Variants in FSHR observed in about 807,000 individuals in gnomAD.
The protein encoded by FSHR is follicle-stimulating hormone receptor.
A neutral mutation model predicts 52.1 loss-of-function variants in FSHR; 46 were observed. The observed-to-expected ratio is 0.88, with a 90% confidence interval of 0.70 to 1.13. The LOEUF (loss-of-function observed/expected upper bound fraction) is 1.13. Ranked by LOEUF, FSHR falls within the 50% of genes most tolerant of loss-of-function variation. The pLI is 0.00. For synonymous variants in FSHR, 399 were observed against 309.6 expected, an observed-to-expected ratio of 1.29 and a Z score of -3.03; for missense variants, 964 against 834.6, an observed-to-expected ratio of 1.16 and a Z score of -1.91.
chr2:49,071,638 A>C (rs1669735687), intron 1 of FSHR, among the ~76,000 whole-genome samples: 1 of 152,174 alleles, frequency 6.6e-6, no homozygotes, highest in African/African-American at 2.4e-5. Context: ...GCTATAAAGG[A>C]ATACTTGAAA....
At chr2:49,055,388 T>G (rs371576141) in intron 2 of FSHR, among the ~76,000 whole-genome samples, 2 of 150,926 alleles carry the variant, frequency 1.3e-5, no homozygotes, top group African/African-American at 4.9e-5. Flanking sequence ...TTATGAGGCA[T>G]AGTTAACCAA....
intron 2 of FSHR, among the ~76,000 whole-genome samples, chr2:49,036,075 T>G (rs572941882): frequency 6.6e-6 from 1 of 152,340 alleles, no homozygotes; most frequent in South Asian, 2.1e-4. Flanking sequence ...ATCTGTTAGA[T>G]TCTAACAAAA....
In FSHR at chr2:49,032,954, C is replaced by T. The variant is rs140553040; in HGVS notation, c.225-12794G>A. On this transcript the variant is annotated intron_variant, in intron 2 of 9. Transcript: ENST00000406846. ...GTGCCTTTGGTAGAAATTCTGGGAC[C>T]AATTTATTACATCAAATCCTTACTT... 2.6e-5 allele frequency among the ~76,000 whole-genome samples: 4 copies of T among 152,222 alleles called. No individual in the cohort carries two copies. The East Asian group carries it at 7.7e-4, about 29-fold the overall frequency.
intron 4 of FSHR, among the ~76,000 whole-genome samples, chr2:49,006,983 C>A (rs187371384): frequency 6.6e-6 from 1 of 152,230 alleles, no homozygotes; most frequent in East Asian, 1.9e-4. Context: ...GTTGGAGAGA[C>A]TAATAGCTAC....
chr2:49,148,943 A>G (rs944277069), intron 1 of FSHR, among the ~76,000 whole-genome samples: 2 of 152,034 alleles, frequency 1.3e-5, no homozygotes, highest in African/African-American at 4.8e-5. Context: ...AGAAAATAGA[A>G]TGACGGTGTG....
intron 8 of FSHR, among the ~76,000 whole-genome samples, chr2:48,974,826 C>T (rs1674913261): frequency 1.3e-5 from 2 of 152,132 alleles, no homozygotes; most frequent in Admixed American, 6.6e-5. Flanking sequence ...ATAGTATATT[C>T]CCTTTTTTGC....
intron 4 of FSHR, among the ~76,000 whole-genome samples, chr2:49,002,190 T>C (rs1014654621): frequency 1.3e-5 from 2 of 152,174 alleles, no homozygotes; most frequent in Non-Finnish European, 2.9e-5. Context: ...TTCTGCATTA[T>C]GATTTCTGTT....
At position 49,147,898 on chromosome 2, in the gene FSHR, G is replaced by A. The variant is rs1034392489; in HGVS notation, c.152+6368C>T. Among the ~76,000 whole-genome samples, 36 of 151,928 alleles carry A rather than the reference G, an allele frequency of 2.4e-4. No homozygotes were observed. In the East Asian group the frequency reaches 5.8e-3, roughly 24 times the overall value. The stretch of plus-strand genomic sequence containing the variant: ...TGTGAACGCTGTGCTGTTTGTTTCT[G>A]TCAAAGAAGTACCTAAACAAGGCTA... On this transcript the variant is annotated intron_variant, in intron 1 of 9. Coordinates refer to ENST00000406846, the MANE Select transcript of FSHR (RefSeq NM_000145.4).
intron 3 of FSHR, among the ~76,000 whole-genome samples, chr2:49,019,178 A>G (rs769346876): frequency 6.6e-6 from 1 of 152,220 alleles, no homozygotes; most frequent in African/African-American, 2.4e-5. Flanking sequence ...TGGAGATTCT[A>G]AATGCATATT....
chr2:48,969,908 C>T (rs1474087264), intron 8 of FSHR, among the ~76,000 whole-genome samples: 1 of 152,178 alleles, frequency 6.6e-6, no homozygotes, highest in African/African-American at 2.4e-5. Context: ...ATGGCACCAG[C>T]TTGGACCTGG....
chr2:49,053,565 T>TC lies in FSHR; in HGVS notation c.224+14653dup, dbSNP rs966108772. Among the ~76,000 whole-genome samples the TC allele has an allele frequency of 6.6e-5, 10 of 152,264 alleles. No homozygotes were observed. In the South Asian group the frequency reaches 1.2e-3, roughly 19 times the overall value. On this transcript the variant is annotated intron_variant, in intron 2 of 9. Transcript: ENST00000406846. ...GCAGAGAGTTTAATGATTTCTTTTT[T>TC]CCCCCCACAAAGTCTCAAAGCAATG...
intron 4 of FSHR, among the ~76,000 whole-genome samples, chr2:48,996,287 T>G (rs1237502146): frequency 6.6e-6 from 1 of 151,954 alleles, no homozygotes; most frequent in African/African-American, 2.4e-5. Context: ...CTAGGAAGAG[T>G]GGGCTGAGCT....
chr2:49,088,508 T>A (rs1241395644), intron 1 of FSHR, among the ~76,000 whole-genome samples: 3 of 152,236 alleles, frequency 2.0e-5, no homozygotes, highest in Non-Finnish European at 2.9e-5. Context: ...GTGATGCCCT[T>A]ACTTTTGCTC....
At chr2:49,090,284 T>C (rs892429358) in intron 1 of FSHR, among the ~76,000 whole-genome samples, 2 of 152,162 alleles carry the variant, frequency 1.3e-5, no homozygotes, top group Non-Finnish European at 2.9e-5. Context: ...ACACTGTCCC[T>C]CCACTTTTAA....
Position 49,060,193 on chromosome 2 carries a change from A to G in FSHR, c.224+8026T>C, listed in dbSNP as rs377675889. Among the ~76,000 whole-genome samples, 59 of 152,254 alleles carry G rather than the reference A, an allele frequency of 3.9e-4. 1 individual carries two copies. In the South Asian group the frequency reaches 0.012, roughly 30 times the overall value. On this transcript the variant is annotated intron_variant, in intron 2 of 9. Transcript: ENST00000406846. ...GGGATGGTTATTAAACGAAAAAAAT[A>G]CCGGTGAGGATGCAGAGAAAAAGGT... is the stretch of plus-strand genomic sequence containing the variant.
chr2:49,104,995 C>G (rs533574740), intron 1 of FSHR, among the ~76,000 whole-genome samples: 2 of 152,012 alleles, frequency 1.3e-5, no homozygotes. Flanking sequence ...ATCCAGGCAA[C>G]GAAAATAACT....
At chr2:48,988,209 T>C (rs544135455) in intron 6 of FSHR, among the ~76,000 whole-genome samples, 1 of 152,312 alleles carries the variant, frequency 6.6e-6, no homozygotes, top group African/African-American at 2.4e-5. Flanking sequence ...TATAGGCATA[T>C]TTTAAAAACT....
At chr2:49,140,317 C>G (rs1223215416) in intron 1 of FSHR, among the ~76,000 whole-genome samples, 2 of 151,982 alleles carry the variant, frequency 1.3e-5, no homozygotes, top group African/African-American at 4.8e-5. Flanking sequence ...CGCACCACCC[C>G]CCACCCATTC....
At chr2:49,003,134 C>T (rs985023218) in intron 4 of FSHR, among the ~76,000 whole-genome samples, 4 of 152,128 alleles carry the variant, frequency 2.6e-5, no homozygotes, top group Non-Finnish European at 4.4e-5. Context: ...AACATTTTTG[C>T]GATGTCTGTT....
Sources: allele counts gnomAD v4.1 joint callset (sites outside exome capture counted in the v4.1 genomes callset), GRCh38; gene constraint gnomAD v4.1.1; transcripts MANE v1.5; gene names NCBI Gene and HGNC (gene_info 2026-07-23, HGNC 2026-07-21).